The following RASIP1 variants were observed in gnomAD, a reference collection of about 807,000 sequenced individuals.
RASIP1 encodes the protein ras-interacting protein 1.
RASIP1 carries 20 observed loss-of-function variants against 85.3 expected under a neutral mutation model. That is an observed-to-expected ratio of 0.23 (90% confidence interval 0.17 to 0.34). RASIP1 has a LOEUF of 0.34. Among genes scored for constraint, RASIP1 ranks in the 10% least tolerant of loss-of-function variants. The pLI is 1.00. For missense variants in RASIP1, 1,170 were observed against 1,390.9 expected (o/e 0.84, Z 2.53); for synonymous variants, 617 against 647.1 (o/e 0.95, Z 0.71).
At chr19:48,728,560 T>C (rs538250553) in intron 5 of RASIP1, among the ~76,000 whole-genome samples, 1 of 152,136 alleles carries the variant, frequency 6.6e-6, no homozygotes, top group East Asian at 1.9e-4. Context: ...GGTCAGGAGT[T>C]CCAGACAAGC....
Position 48,721,757 on chromosome 19 carries a change from C to A in RASIP1, c.2692+97G>T, listed in dbSNP as rs2033250530. The A allele has an allele frequency of 4.9e-6, 7 of 1,414,906 alleles. 1 individual carries two copies. The South Asian group carries it at 7.0e-5, about 14-fold the overall frequency. The allele number at this position is 1,414,906 out of a possible 1,614,324, so 87.6% of individuals were successfully genotyped here. On this transcript the variant is annotated intron_variant, in intron 11 of 11. Coordinates refer to ENST00000222145, the MANE Select transcript of RASIP1 (RefSeq NM_017805.3). ...GGCAGAGGTTGCAGTGAGCCAAGAT[C>A]GCGCCATTGCACTCCAGCCTGAGTG...
At position 48,739,506 on chromosome 19, in the gene RASIP1, A is replaced by G. The variant is rs2033631718; in HGVS notation, c.277T>C (p.Phe93Leu). ...GTGGTCCCGGTCCCCGAGCCCCGGAAGAGCTGGGAGATGCGCTTGGCGCGG... is the reference window on the plus strand; with the variant it reads ...GTGGTCCCGGTCCCCGAGCCCCGGAGGAGCTGGGAGATGCGCTTGGCGCGG... ...GSRAKRISQL[F>L]RGSGTGTTGS... The change falls in exon 3 of 12, where the codon TTC (phenylalanine) becomes CTC (leucine). Residue 93 changes from phenylalanine (F) to leucine (L), a missense_variant. Physicochemically the swap from Phe to Leu is conservative, Grantham distance 22 (BLOSUM62 0). Transcript: ENST00000222145. The surrounding 1 kb of genome is among the most constrained non-coding windows in gnomAD (Gnocchi z 9.2). The G allele has an allele frequency of 1.3e-6, 2 of 1,509,804 alleles. No individual in the cohort carries two copies. 93.5% of individuals were successfully genotyped at this position (1,509,804 alleles called of 1,614,324 possible).
At chr19:48,729,704 TTC>T in intron 4 of RASIP1, 114 bp from the exon 5 acceptor site, 1 of 883,746 alleles carries the variant, frequency 1.1e-6, no homozygotes. Flanking sequence ...TTTTTCCTTC[TTC>T]TTCTTTTTTT....
chr19:48,721,078 C>T, intron 11 of RASIP1, 81 bp from the exon 12 acceptor site: 2 of 1,253,698 alleles, frequency 1.6e-6, no homozygotes, highest in Non-Finnish European at 2.2e-6. Flanking sequence ...GGCTGCGTCA[C>T]ACCCAAAGGA....
In RASIP1 at chr19:48,724,087, C is replaced by T. The variant is rs200211023; in HGVS notation, c.2544+250G>A. Among the ~76,000 whole-genome samples the T allele has an allele frequency of 1.3e-5, 2 of 152,212 alleles. No individual in the cohort carries two copies. The highest frequency in any genetic ancestry group is 2.4e-5 in the African/African-American group (1 of 41,462). On this transcript the variant is annotated intron_variant, in intron 10 of 11. Transcript: ENST00000222145. This position sits in a 1 kb window ranked among gnomAD's most constrained non-coding sequence, Gnocchi z 4.6. ...CCTCCCAAAGTGTTGGGATTATAGG[C>T]GCGAGCCACTGCTCCTGGCCTGGAA...
chr19:48,723,197 T>C (rs1235738605), intron 10 of RASIP1, among the ~76,000 whole-genome samples: 2 of 151,790 alleles, frequency 1.3e-5, no homozygotes, highest in Non-Finnish European at 2.9e-5. Flanking sequence ...ATTATAAACA[T>C]TTGATATAAA....
intron 4 of RASIP1, among the ~76,000 whole-genome samples, chr19:48,733,011 T>C (rs947094626): frequency 6.6e-6 from 1 of 152,192 alleles, no homozygotes; most frequent in Non-Finnish European, 1.5e-5. Context: ...ATAAGGATAA[T>C]TCACCCGATC....
In RASIP1 at chr19:48,739,362, C is replaced by T. The variant is rs2033628940; in HGVS notation, c.421G>A (p.Ala141Thr). Reference protein sequence around the residue: ...VAPEPPLATRATAPPGVLKIF... With the variant: ...VAPEPPLATRTTAPPGVLKIF... ...TTGAGGACCCCCGGAGGCGCCGTGG[C>T]GCGGGTAGCCAGCGGGGGCTCGGGG... The change falls in exon 3 of 12, where the codon GCC becomes ACC. Residue 141 changes from alanine (A) to threonine (T), a missense_variant. Around this residue, in one of 4 missense-constraint regions of RASIP1, gnomAD observed 299 missense variants for 394.4 expected, o/e 0.76. Coordinates refer to ENST00000222145, the MANE Select transcript of RASIP1 (RefSeq NM_017805.3). This position sits in a 1 kb window ranked among gnomAD's most constrained non-coding sequence, Gnocchi z 9.2. 1 of 1,343,448 alleles carries T rather than the reference C, an allele frequency of 7.4e-7. No homozygotes were observed. Among genetic ancestry groups the T allele is most frequent in the Non-Finnish European group, 9.5e-7 (1 of 1,052,168 alleles). 83.2% of individuals were successfully genotyped at this position (1,343,448 alleles called of 1,614,324 possible).
At chr19:48,734,276 C>CAG (rs368242550) in intron 4 of RASIP1, among the ~76,000 whole-genome samples, 1 of 151,142 alleles carries the variant, frequency 6.6e-6, no homozygotes, top group South Asian at 2.1e-4. Context: ...GCCTGGGCGA[C>CAG]AGAGAGAGAC....
In RASIP1 at chr19:48,720,597, G is replaced by T; in HGVS notation, c.*201C>A. The T allele has an allele frequency of 3.4e-6, 2 of 594,956 alleles. No homozygotes were observed. The highest frequency in any genetic ancestry group is 6.0e-6 in the Non-Finnish European group (2 of 335,258). 36.9% of individuals were successfully genotyped at this position (594,956 alleles called of 1,614,324 possible). A position where few individuals can be genotyped will look rare whatever the true frequency, so the allele number is the denominator to read the frequency against. ...ACAATCGAGGCGCTGCCGATACCAC[G>T]GATACCTTTATTGCTCCCTGGCATT... On this transcript the variant is annotated 3_prime_UTR_variant, in exon 12 of 12. Coordinates refer to ENST00000222145, the MANE Select transcript of RASIP1 (RefSeq NM_017805.3).
Position 48,735,350 on chromosome 19 carries a change from C to T in RASIP1, c.1025G>A (p.Arg342Gln), listed in dbSNP as rs746117962. Residue 342 changes from arginine to glutamine, a missense_variant, in exon 4 of 12, where the codon CGG (arginine) becomes CAG (glutamine). Physicochemically the swap from Arg to Gln is conservative, Grantham distance 43 (BLOSUM62 1). Transcript: ENST00000222145. ...LQGRRRRQQE[R>Q]RQQALSMAPG... ...GGCCATGCTAAGTGCCTGCTGTCTC[C>T]GCTCCTGCTGCCGCCGCCGCCGCCC... 5 of 1,613,022 alleles carry T rather than the reference C, an allele frequency of 3.1e-6. No individual in the cohort carries two copies. Among genetic ancestry groups the T allele is most frequent in the South Asian group, 1.1e-5 (1 of 91,048 alleles).
intron 5 of RASIP1, 66 bp from the exon 6 acceptor site, chr19:48,727,496 CT>C: frequency 6.5e-7 from 1 of 1,529,364 alleles, no homozygotes. Context: ...AGTTAATACC[CT>C]GGTTTTTATA....
At chr19:48,723,229 C>T (rs1403358668) in intron 10 of RASIP1, among the ~76,000 whole-genome samples, 1 of 152,030 alleles carries the variant, frequency 6.6e-6, no homozygotes, top group Non-Finnish European at 1.5e-5. Flanking sequence ...CTATGGGGAA[C>T]AGTTTTTGTA....
chr19:48,728,756 C>A lies in RASIP1; in HGVS notation c.1833+181G>T, dbSNP rs546524465. Among the ~76,000 whole-genome samples the A allele has an allele frequency of 5.4e-5, 8 of 147,214 alleles. No homozygotes were observed. In the Admixed American group the frequency reaches 5.6e-4, roughly 10 times the overall value. ...CAGCCTGGGTAACAGAGCGAGACTC[C>A]GTCTCAAAAACAAAAGCAAACAAAC... On this transcript the variant is annotated intron_variant, in intron 5 of 11. Coordinates refer to ENST00000222145, the MANE Select transcript of RASIP1 (RefSeq NM_017805.3).
chr19:48,735,276 C>T lies in RASIP1; in HGVS notation c.1099G>A (p.Asp367Asn). 1 of 1,614,056 alleles carries T rather than the reference C, an allele frequency of 6.2e-7. No individual in the cohort carries two copies. The change falls in exon 4 of 12, where the codon GAT becomes AAT. Residue 367 changes from aspartate (D) to asparagine (N), a missense_variant. Coordinates refer to ENST00000222145, the MANE Select transcript of RASIP1 (RefSeq NM_017805.3). Reference protein sequence around the residue: ...QIGTADPGDFDQLTQCLIQAP... With the variant: ...QIGTADPGDFNQLTQCLIQAP... ...TGGATGAGGCACTGAGTCAACTGAT[C>T]GAAGTCCCCGGGGTCTGCAGTTCCG...
chr19:48,727,354 T>G, intron 6 of RASIP1, 39 bp downstream of exon 6: 3 of 1,607,912 alleles, frequency 1.9e-6, no homozygotes, highest in Non-Finnish European at 2.6e-6. Flanking sequence ...ACCCAACCCC[T>G]GCATCCCTCC....
intron 8 of RASIP1, among the ~76,000 whole-genome samples, chr19:48,725,770 T>C (rs971048863): frequency 2.6e-5 from 4 of 152,188 alleles, no homozygotes; most frequent in African/African-American, 9.7e-5. Context: ...TCTCTAGCTA[T>C]CTATCAATCA....
Position 48,724,945 on chromosome 19 carries a change from G to A in RASIP1, c.2143C>T (p.Leu715=), listed in dbSNP as rs1306171945. 1 of 1,612,054 alleles carries A rather than the reference G, an allele frequency of 6.2e-7. No individual in the cohort carries two copies. The highest frequency in any genetic ancestry group is 2.2e-5 in the East Asian group (1 of 44,830). Residue 715 remains leucine, a synonymous_variant, in exon 9 of 12, where the codon CTG becomes TTG. Transcript: ENST00000222145. This position sits in a 1 kb window ranked among gnomAD's most constrained non-coding sequence, Gnocchi z 4.6. ...YYLTKTLYST[L]PALLDSNPFT... ...GGGTTACTATCCAGGAGAGCAGGCAGCGTTGAATAGAGAGTCTGAGAAAAT... is the reference window on the plus strand; with the variant it reads ...GGGTTACTATCCAGGAGAGCAGGCAACGTTGAATAGAGAGTCTGAGAAAAT...
intron 3 of RASIP1, chr19:48,737,313 C>T: frequency 3.6e-6 from 1 of 275,352 alleles, no homozygotes; most frequent in Non-Finnish European, 5.5e-6. Context: ...TGAATTGCTA[C>T]AACATTCTAT....
Sources: gnomAD v4.1 joint callset for allele counts (sites outside exome capture counted in the v4.1 genomes callset) on GRCh38, gnomAD v4.1.1 for gene constraint, gnomAD v4.1.1 regional missense constraint, Gnocchi (gnomAD v3.1) non-coding constraint, MANE v1.5 for transcripts, NCBI Gene and HGNC (gene_info 2026-07-23, HGNC 2026-07-21) for gene names.